FAT2: variants seen among roughly 807,000 people sequenced by gnomAD.
The protein encoded by FAT2 is FAT atypical cadherin 2.
FAT2 carries 150 observed loss-of-function variants against 295.3 expected under a neutral mutation model. That is an observed-to-expected ratio of 0.51 (90% CI 0.44 to 0.58). The LOEUF (loss-of-function observed/expected upper bound fraction) is 0.58. FAT2 is among the 20% of genes least tolerant of loss of function. The probability of loss-of-function intolerance (pLI) is 0.00; values close to 1 mark genes in which losing one functional copy is unlikely to be tolerated. For synonymous variants in FAT2, 2,026 were observed against 2,150.3 expected (o/e 0.94, Z 1.60); for missense variants, 4,868 against 5,442.7 (o/e 0.89, Z 3.32).
intron 22 of FAT2, chr5:151,509,771 G>T (rs1761173223): frequency 2.3e-6 from 1 of 438,716 alleles, no homozygotes; most frequent in Non-Finnish European, 4.1e-6. Context: ...TGCAATAAAT[G>T]TCATGTGCTT....
chr5:151,527,113 G>T, intron 17 of FAT2, 121 bp downstream of exon 17: 2 of 1,018,686 alleles, frequency 2.0e-6, no homozygotes, highest in Non-Finnish European at 2.9e-6. Flanking sequence ...TTGCCTTTGG[G>T]GACATCAGTG....
intron 20 of FAT2, among the ~76,000 whole-genome samples, chr5:151,513,296 A>C (rs1032163072): frequency 6.6e-6 from 1 of 152,226 alleles, no homozygotes; most frequent in African/African-American, 2.4e-5. Flanking sequence ...ATACACTCAT[A>C]TGTTGATTGC....
In FAT2 at chr5:151,505,553, G is replaced by A. The variant is rs527669311; in HGVS notation, c.*12C>T. 7 of 1,613,974 alleles carry A rather than the reference G, an allele frequency of 4.3e-6. No homozygotes were observed. In the South Asian group the frequency reaches 6.6e-5, roughly 15 times the overall value. On this transcript the variant is annotated 3_prime_UTR_variant, in exon 24 of 24. Transcript: ENST00000261800. ...CTTGGCCTCCCGCCTGCCTTGCTCTGGGAATGGGAAGCTAGAACATGACCT... is the reference window on the plus strand; with the variant it reads ...CTTGGCCTCCCGCCTGCCTTGCTCTAGGAATGGGAAGCTAGAACATGACCT...
chr5:151,541,550 G>T (rs1330475539), intron 10 of FAT2, among the ~76,000 whole-genome samples: 1 of 152,206 alleles, frequency 6.6e-6, no homozygotes, highest in African/African-American at 2.4e-5. Flanking sequence ...AAGGAGCCAT[G>T]TTCATGGGAA....
chr5:151,550,970 G>T lies in FAT2; in HGVS notation c.4297-99C>A, dbSNP rs1436743655. 6 of 1,018,610 alleles carry T rather than the reference G, an allele frequency of 5.9e-6. No homozygotes were observed. The East Asian group carries it at 1.4e-4, about 25-fold the overall frequency. 63.1% of individuals were successfully genotyped at this position (1,018,610 alleles called of 1,614,324 possible). A position where few individuals can be genotyped will look rare whatever the true frequency, so the allele number is the denominator to read the frequency against. The stretch of plus-strand genomic sequence containing the variant: ...CTGTATCACCCAGGCCTAGCACAGT[G>T]CCTGGCACTCAGCAATCACTTGATA... On this transcript the variant is annotated intron_variant, in intron 7 of 23. Transcript: ENST00000261800.
In FAT2 at chr5:151,540,646, G is replaced by C. The variant is rs2127602484; in HGVS notation, c.8960C>G (p.Ser2987Cys). The C allele has an allele frequency of 1.2e-6, 2 of 1,614,204 alleles. No homozygotes were observed. Among genetic ancestry groups the C allele is most frequent in the Non-Finnish European group, 1.7e-6 (2 of 1,180,040 alleles). The change falls in exon 11 of 24, where the codon TCT becomes TGT. Residue 2987 changes from serine (S) to cysteine (C), a missense_variant. Ser to Cys is a moderately radical substitution (Grantham distance 112). Coordinates refer to ENST00000261800, the MANE Select transcript of FAT2 (RefSeq NM_001447.3). ...TAKYLLRVTA[S>C]DGKFQASVTV... The stretch of plus-strand genomic sequence containing the variant: ...GACCGAAGCCTGGAACTTGCCATCA[G>C]ATGCTGTGACTCTGAGCAAGTACTT...
In FAT2 at chr5:151,531,869, C is replaced by A. The variant is rs772722028; in HGVS notation, c.9529G>T (p.Val3177Phe). The change falls in exon 14 of 24, where the codon GTC becomes TTC. Residue 3177 changes from valine to phenylalanine, a missense_variant. Transcript: ENST00000261800. The surrounding 1 kb of genome is among the most constrained non-coding windows in gnomAD (Gnocchi z 5.7). ...AGCTCCAGTGGTGCCTGGGGCCTGA[C>A]CTGCAGCGGCTTTTCCAGGCGGATC... is the stretch of plus-strand genomic sequence containing the variant. The part of the protein sequence containing the change: ...GVIRLEKPLQ[V>F]RPQAPLELTV... 6.2e-7 allele frequency: 1 copy of A among 1,614,130 alleles called. No homozygotes were observed. The highest frequency in any genetic ancestry group is 1.1e-5 in the South Asian group (1 of 91,080).
intron 1 of FAT2, among the ~76,000 whole-genome samples, chr5:151,583,855 G>T (rs908476227): frequency 6.6e-6 from 1 of 151,732 alleles, no homozygotes; most frequent in East Asian, 1.9e-4. Flanking sequence ...AAAATTAGCT[G>T]GGTGCGATGA....
rs756429998 is a variant in FAT2, at chr5:151,543,889, C to T, written c.7238G>A (p.Arg2413His). 1.1e-5 allele frequency: 17 copies of T among 1,613,998 alleles called. No homozygotes were observed. The East Asian group carries it at 1.1e-4, about 11-fold the overall frequency. Residue 2413 changes from arginine to histidine, a missense_variant, in exon 10 of 24, where the codon CGC becomes CAC. Arg to His is a conservative substitution (Grantham distance 29, BLOSUM62 0). Transcript: ENST00000261800. ...AIDPDSRDTS[R>H]LEYLILSGNQ... ...GCCAGAAAGAATCAGGTACTCCAGG[C>T]GGGAGGTGTCTCTGCTGTCAGGGTC...
At chr5:151,587,063 G>A (rs1465002365) in intron 1 of FAT2, among the ~76,000 whole-genome samples, 2 of 151,858 alleles carry the variant, frequency 1.3e-5, no homozygotes, top group South Asian at 2.1e-4. Flanking sequence ...AATCACTTGA[G>A]CCCAGGAGGT....
rs764694714 is a variant in FAT2 at position 151,568,953 on chromosome 5, T to C, written c.-20-2A>G. 1 of 1,568,894 alleles carries C rather than the reference T, an allele frequency of 6.4e-7. No individual in the cohort carries two copies. Among genetic ancestry groups the C allele is most frequent in the Admixed American group, 1.9e-5 (1 of 52,298 alleles). On this transcript the variant is annotated splice_acceptor_variant, in intron 1 of 23. Transcript: ENST00000261800. LOFTEE classifies it low-confidence loss of function (5UTR_SPLICE). ...TCATGGTGGAAAACTCCCGAAACCC[T>C]GGGCAGAAAATAAAAGACAGGGTGC...
In FAT2 at chr5:151,568,255, C is replaced by T. The variant is rs777551798; in HGVS notation, c.677G>A (p.Arg226His). ...ATTGCCCTCAGAGATTTTCCGCATG[C>T]GGTCCACAGCTAGCACCTGGAGCTC... ...KHELQVLAVD[R>H]MRKISEGNGF... Residue 226 changes from arginine to histidine, a missense_variant, in exon 2 of 24, where the codon CGC becomes CAC. Physicochemically the swap from Arg to His is conservative, Grantham distance 29. Transcript: ENST00000261800. 1.1e-5 allele frequency: 17 copies of T among 1,613,976 alleles called. No homozygotes were observed. In the East Asian group the frequency reaches 1.3e-4, roughly 13 times the overall value.
At chr5:151,519,028 T>A (rs1354423939) in intron 19 of FAT2, among the ~76,000 whole-genome samples, 1 of 152,128 alleles carries the variant, frequency 6.6e-6, no homozygotes, top group Non-Finnish European at 1.5e-5. Context: ...CCAGAAAAGA[T>A]GAGGCACAAG....
chr5:151,542,325 G>A lies in FAT2; in HGVS notation c.8802C>T (p.Asp2934=), dbSNP rs756805823. Residue 2934 remains aspartate, a synonymous_variant, in exon 10 of 24, where the codon GAC becomes GAT. Transcript: ENST00000261800. ...TGACCTGCCTGTTCTGCTCAGAAAT[G>A]TCAGCATCCAGGGTCTTTAGAGTCG... The part of the protein sequence containing the change: ...LVATLKTLDA[D]ISEQNRQVTC... The A allele has an allele frequency of 6.2e-7, 1 of 1,612,490 alleles. No individual in the cohort carries two copies. The highest frequency in any genetic ancestry group is 8.5e-7 in the Non-Finnish European group (1 of 1,179,170).
chr5:151,551,186 C>T (rs1438195132), intron 7 of FAT2, among the ~76,000 whole-genome samples: 2 of 152,184 alleles, frequency 1.3e-5, no homozygotes, highest in Non-Finnish European at 2.9e-5. Context: ...GCCCCACTTA[C>T]CCAACCATCA....
intron 1 of FAT2, among the ~76,000 whole-genome samples, 50 bp downstream of exon 1, chr5:151,591,115 T>A (rs991703141): frequency 6.6e-6 from 1 of 152,218 alleles, no homozygotes; most frequent in Non-Finnish European, 1.5e-5. Context: ...AAGAATGGAT[T>A]AACTTTGCTG....
intron 18 of FAT2, among the ~76,000 whole-genome samples, chr5:151,522,815 T>G (rs565268718): frequency 2.0e-5 from 3 of 152,230 alleles, no homozygotes; most frequent in East Asian, 3.9e-4. Flanking sequence ...ACGGGGTCAC[T>G]GGTGCTGGAG....
At chr5:151,520,365 G>T (rs1467748844) in intron 19 of FAT2, among the ~76,000 whole-genome samples, 1 of 152,224 alleles carries the variant, frequency 6.6e-6, no homozygotes, top group Non-Finnish European at 1.5e-5. Context: ...ACAGATATTT[G>T]AATAACGAGG....
At chr5:151,592,582 A>G (rs564173579), upstream of FAT2, among the ~76,000 whole-genome samples, 47 of 152,190 alleles carry the variant, frequency 3.1e-4, no homozygotes, top group African/African-American at 1.1e-3. Context: ...CTGAGCAGCA[A>G]CTCTTCCACC....
Sources: allele counts gnomAD v4.1 joint callset (sites outside exome capture counted in the v4.1 genomes callset), GRCh38; gene constraint gnomAD v4.1.1; non-coding constraint Gnocchi (gnomAD v3.1); transcripts MANE v1.5; gene names NCBI Gene and HGNC (gene_info 2026-07-23, HGNC 2026-07-21).